Variants in DPF3 observed in about 807,000 individuals in gnomAD.
DPF3 encodes double PHD fingers 3, also known as zinc finger protein DPF3.
In DPF3, 18 loss-of-function variants were observed where a neutral mutation model predicts 56.8. The observed-to-expected ratio is 0.32, with a 90% confidence interval of 0.22 to 0.47. The LOEUF (loss-of-function observed/expected upper bound fraction) is 0.47, where lower values mean the gene tolerates loss of function less well. Among genes scored for constraint, DPF3 ranks in the 20% least tolerant of loss-of-function variants. The probability of loss-of-function intolerance (pLI) is 1.00; values close to 1 mark genes in which losing one functional copy is unlikely to be tolerated. For synonymous variants in DPF3, 188 were observed against 180.2 expected (o/e 1.04, Z -0.35); for missense variants, 403 against 488.8 (o/e 0.82, Z 1.65).
chr14:72,714,573 G>C, intron 5 of DPF3, 72 bp from the exon 6 acceptor site: 1 of 1,558,606 alleles, frequency 6.4e-7, no homozygotes. Flanking sequence ...TGCGCTCTGC[G>C]AGCTCCTTAC....
At chr14:72,671,126 T>C (rs762265859) in intron 8 of DPF3, 2 of 1,613,638 alleles carry the variant, frequency 1.2e-6, no homozygotes, top group African/African-American at 1.3e-5. Context: ...AGAGAGTCTG[T>C]TCCGTGGGTT....
At chr14:72,748,139 G>T (rs1188846290) in intron 3 of DPF3, among the ~76,000 whole-genome samples, 1 of 152,248 alleles carries the variant, frequency 6.6e-6, no homozygotes, top group Non-Finnish European at 1.5e-5. Flanking sequence ...GAACTTCCTA[G>T]AGACTTGTTG....
rs527348618 is a variant in DPF3, at chr14:72,833,086, T to C, written c.32+60971A>G. On this transcript the variant is annotated intron_variant, in intron 1 of 10. Transcript: ENST00000556509. ...GGGTTTTAAGTAGGCAGTGATATAA[T>C]TGGATCATTCTGGCAGAGTACAGAT... 3.0e-4 allele frequency among the ~76,000 whole-genome samples: 46 copies of C among 152,282 alleles called. 1 individual carries two copies. In the South Asian group the frequency reaches 4.6e-3, roughly 15 times the overall value.
rs184711122 is a variant in DPF3 at position 72,680,676 on chromosome 14, G to A, written c.743-6308C>T. On this transcript the variant is annotated intron_variant, in intron 7 of 10. Coordinates refer to ENST00000556509, the MANE Select transcript of DPF3 (RefSeq NM_001280542.3). ...TGGGGCTGATAAACTGTCACACTCC[G>A]CACCGTCAAGGACAAGGTGAGAAGA... Among the ~76,000 whole-genome samples, 23 of 152,358 alleles carry A rather than the reference G, an allele frequency of 1.5e-4. No individual in the cohort carries two copies. In the East Asian group the frequency reaches 4.2e-3, roughly 28 times the overall value.
chr14:72,744,717 C>A (rs144444057), intron 3 of DPF3, among the ~76,000 whole-genome samples: 302 of 152,140 alleles, frequency 2.0e-3, no homozygotes, highest in Admixed American at 3.7e-3. Context: ...CCCTGGACTT[C>A]GTTGCTGAAA....
chr14:72,771,071 G>A (rs10220565), intron 2 of DPF3, among the ~76,000 whole-genome samples: 70,925 of 151,516 alleles, frequency 0.47, 19,389 homozygotes, highest in Non-Finnish European at 0.6. Context: ...AGCGACTCAG[G>A]AGGCTGAAGC....
intron 7 of DPF3, among the ~76,000 whole-genome samples, chr14:72,678,847 C>T (rs1020843988): frequency 6.6e-6 from 1 of 151,980 alleles, no homozygotes; most frequent in African/African-American, 2.4e-5. Context: ...TAAAGTGAGC[C>T]TTAAGAGTTT....
chr14:72,836,662 G>A (rs1217973758), intron 1 of DPF3, among the ~76,000 whole-genome samples: 1 of 152,008 alleles, frequency 6.6e-6, no homozygotes, highest in Non-Finnish European at 1.5e-5. Context: ...TCCCGCCCTT[G>A]TCTTATCTCG....
intron 1 of DPF3, among the ~76,000 whole-genome samples, chr14:72,811,886 GCTC>G (rs1364244547): frequency 6.6e-6 from 1 of 152,066 alleles, no homozygotes; most frequent in Non-Finnish European, 1.5e-5. Context: ...TTGGTGGCTT[GCTC>G]CAGGGCACCC....
intron 1 of DPF3, among the ~76,000 whole-genome samples, chr14:72,834,905 TG>T (rs1425992508): frequency 1.3e-5 from 2 of 152,192 alleles, no homozygotes; most frequent in Non-Finnish European, 1.5e-5. Context: ...ACAACATGGC[TG>T]AACGCTGAAA....
At chr14:72,765,836 C>T (rs899373935) in intron 2 of DPF3, among the ~76,000 whole-genome samples, 1 of 152,140 alleles carries the variant, frequency 6.6e-6, no homozygotes, top group African/African-American at 2.4e-5. Flanking sequence ...ATGGCGTGAA[C>T]CCAGGAGGCG....
intron 4 of DPF3, among the ~76,000 whole-genome samples, chr14:72,724,668 C>A (rs932675686): frequency 6.6e-6 from 1 of 151,054 alleles, no homozygotes; most frequent in Non-Finnish European, 1.5e-5. Flanking sequence ...GGGCATGGAG[C>A]TCACTGGGCT....
intron 1 of DPF3, among the ~76,000 whole-genome samples, chr14:72,890,939 G>C (rs1008077784): frequency 2.6e-4 from 39 of 152,268 alleles, no homozygotes; most frequent in Admixed American, 4.6e-4. Context: ...AGAGAGGAAG[G>C]GGGTGAAGGG....
intron 2 of DPF3, among the ~76,000 whole-genome samples, chr14:72,762,302 C>T (rs1891099867): frequency 6.6e-6 from 1 of 151,752 alleles, no homozygotes; most frequent in Admixed American, 6.6e-5. Context: ...ACTTGAGCAA[C>T]ATGAATCTAA....
At chr14:72,863,146 A>G (rs200671597) in intron 1 of DPF3, among the ~76,000 whole-genome samples, 25,492 of 140,586 alleles carry the variant, frequency 0.18, 2,929 homozygotes, top group Non-Finnish European at 0.23. Context: ...GTATATATAT[A>G]TGTGTGTGTG....
chr14:72,812,393 A>C (rs1347156693), intron 1 of DPF3, among the ~76,000 whole-genome samples: 3 of 152,136 alleles, frequency 2.0e-5, no homozygotes, highest in Non-Finnish European at 4.4e-5. Flanking sequence ...GTGGCAGCTA[A>C]ACCCGCTAAT....
At chr14:72,652,550 A>C (rs1885944050) in intron 8 of DPF3, among the ~76,000 whole-genome samples, 1 of 152,200 alleles carries the variant, frequency 6.6e-6, no homozygotes, top group Non-Finnish European at 1.5e-5. Context: ...GCCATTTAGC[A>C]GACAGAGACT....
rs912712911 is a variant in DPF3, at chr14:72,677,108, G to A, written c.743-2740C>T. The stretch of plus-strand genomic sequence containing the variant: ...GGCCATACAGAGTTCCTGTCCAAGG[G>A]GTGAGGGAGGTCCTAAAATCCCATG... On this transcript the variant is annotated intron_variant, in intron 7 of 10. Transcript: ENST00000556509. Among the ~76,000 whole-genome samples, 48 of 152,306 alleles carry A rather than the reference G, an allele frequency of 3.2e-4. 1 individual carries two copies. Among genetic ancestry groups the A allele is most frequent in the Middle Eastern group, 6.8e-3 (2 of 294 alleles).
chr14:72,893,604 C>T (rs912110092), intron 1 of DPF3, among the ~76,000 whole-genome samples: 5 of 151,430 alleles, frequency 3.3e-5, no homozygotes, highest in Admixed American at 3.3e-4. Flanking sequence ...GGGGCGGGGG[C>T]CGCGGGCTCG....
Sources: allele counts gnomAD v4.1 joint callset (sites outside exome capture counted in the v4.1 genomes callset), GRCh38; gene constraint gnomAD v4.1.1; transcripts MANE v1.5; gene names NCBI Gene and HGNC (gene_info 2026-07-23, HGNC 2026-07-21).